WDR64: variants seen among roughly 807,000 people sequenced by gnomAD.
WDR64 encodes WD repeat-containing protein 64.
In WDR64, 112 loss-of-function variants were observed where a neutral mutation model predicts 139.3. That is an observed-to-expected ratio of 0.80 (90% CI 0.69 to 0.94). The LOEUF is 0.94. Ranked by LOEUF, WDR64 falls within the 40% of genes least tolerant of loss-of-function variation. The pLI, the probability that WDR64 is intolerant of heterozygous loss-of-function variation, is 0.00. For missense variants in WDR64, 1,206 were observed against 1,293.1 expected (o/e 0.93, Z 1.03); for synonymous variants, 444 against 437.7 (o/e 1.01, Z -0.18).
rs564606061 is a variant in WDR64, at chr1:241,789,332, A to G, written c.2892-1259A>G. ...GACATAGTATTTCTTGTCTTTTGAA[A>G]ATGTTAAACAGAAATATCATTCAAC... is the stretch of plus-strand genomic sequence containing the variant. On this transcript the variant is annotated intron_variant, in intron 24 of 27. Transcript: ENST00000437684. Among the ~76,000 whole-genome samples, 10 of 152,322 alleles carry G rather than the reference A, an allele frequency of 6.6e-5. No individual in the cohort carries two copies. The South Asian group carries it at 2.1e-3, about 32-fold the overall frequency.
intron 7 of WDR64, among the ~76,000 whole-genome samples, chr1:241,684,861 G>A (rs528518516): frequency 9.2e-5 from 14 of 152,050 alleles, no homozygotes; most frequent in Non-Finnish European, 1.9e-4. Flanking sequence ...GGGTTCAAGC[G>A]ATTCTCCTGC....
At chr1:241,705,788 T>C (rs1667930557) in intron 8 of WDR64, among the ~76,000 whole-genome samples, 1 of 151,792 alleles carries the variant, frequency 6.6e-6, no homozygotes, top group South Asian at 2.1e-4. Flanking sequence ...GGGGTCTTGT[T>C]ATGTTGCCCA....
chr1:241,793,658 G>A (rs1024735553), intron 25 of WDR64, among the ~76,000 whole-genome samples: 1 of 152,206 alleles, frequency 6.6e-6, no homozygotes, highest in Non-Finnish European at 1.5e-5. Context: ...GCTAAGGAGG[G>A]AAGCCACAGG....
intron 8 of WDR64, among the ~76,000 whole-genome samples, chr1:241,691,830 A>G (rs895187277): frequency 2.0e-5 from 3 of 152,144 alleles, no homozygotes; most frequent in South Asian, 2.1e-4. Flanking sequence ...CCTGGCCAAC[A>G]TGGTGAAACC....
intron 1 of WDR64, among the ~76,000 whole-genome samples, chr1:241,660,142 C>G (rs538447848): frequency 9.9e-5 from 15 of 152,148 alleles, no homozygotes; most frequent in Non-Finnish European, 2.2e-4. Context: ...CCAGTCCTCT[C>G]CTCCCAGCAC....
In WDR64 at chr1:241,728,721, T is replaced by G. The variant is rs577273754; in HGVS notation, c.1194+5285T>G. On this transcript the variant is annotated intron_variant, in intron 10 of 27. Coordinates refer to ENST00000437684, the MANE Select transcript of WDR64 (RefSeq NM_001367482.1). ...ATGTTGAAAAATGCAGAGACAAATA[T>G]AATCTTCACTTACTTTCATTTCATC... 2.0e-5 allele frequency among the ~76,000 whole-genome samples: 3 copies of G among 152,288 alleles called. 1 individual carries two copies. The highest frequency in any genetic ancestry group is 7.2e-5 in the African/African-American group (3 of 41,564).
chr1:241,786,286 A>G (rs1659034775), intron 23 of WDR64, among the ~76,000 whole-genome samples: 1 of 152,144 alleles, frequency 6.6e-6, no homozygotes, highest in Non-Finnish European at 1.5e-5. Context: ...ATCTACTCTT[A>G]GTTTCTTTAG....
intron 17 of WDR64, among the ~76,000 whole-genome samples, chr1:241,770,035 A>C (rs1658368318): frequency 6.6e-6 from 1 of 152,240 alleles, no homozygotes; most frequent in African/African-American, 2.4e-5. Flanking sequence ...ATAATGCCAC[A>C]CATAGCTTTG....
At chr1:241,735,168 A>G (rs1408020451) in intron 10 of WDR64, among the ~76,000 whole-genome samples, 1 of 152,154 alleles carries the variant, frequency 6.6e-6, no homozygotes, top group Non-Finnish European at 1.5e-5. Flanking sequence ...CAATGAATAT[A>G]CCCCACTGCA....
chr1:241,656,698 CTAAA>C lies in WDR64; in HGVS notation c.146-3828_146-3825del, dbSNP rs1175780496. On this transcript the variant is annotated intron_variant, in intron 1 of 27. Transcript: ENST00000437684. This position sits in a 1 kb window ranked among gnomAD's most constrained non-coding sequence, Gnocchi z 4.3. ...AACCTTGGCACTACTGATGTTTTGG[CTAAA>C]TAATTATTTGTATATGTGTGCGTGT... Among the ~76,000 whole-genome samples the C allele has an allele frequency of 2.6e-5, 4 of 152,018 alleles. No individual in the cohort carries two copies. Among genetic ancestry groups the C allele is most frequent in the African/African-American group, 9.7e-5 (4 of 41,390 alleles).
intron 25 of WDR64, among the ~76,000 whole-genome samples, chr1:241,792,643 A>G (rs2148330252): frequency 6.6e-6 from 1 of 152,322 alleles, no homozygotes; most frequent in East Asian, 1.9e-4. Context: ...CGATTCCACA[A>G]AATGGTTTAA....
intron 2 of WDR64, among the ~76,000 whole-genome samples, chr1:241,664,582 GAT>G (rs1665958314): frequency 1.2e-5 from 1 of 80,744 alleles, no homozygotes; most frequent in Admixed American, 1.0e-4. Flanking sequence ...AAGTAAATCA[GAT>G]TTTTTTTTGT....
intron 14 of WDR64, among the ~76,000 whole-genome samples, chr1:241,752,563 T>A (rs1352116124): frequency 1.3e-5 from 2 of 152,198 alleles, no homozygotes. Context: ...TAAAAACCAC[T>A]GTTGGGCTGG....
chr1:241,670,261 G>A (rs996459733), intron 2 of WDR64, among the ~76,000 whole-genome samples: 1 of 151,036 alleles, frequency 6.6e-6, no homozygotes, highest in African/African-American at 2.4e-5. Context: ...TTATTCTCAC[G>A]CAATGCCTAC....
At chr1:241,673,411 G>A (rs1666321095) in intron 3 of WDR64, among the ~76,000 whole-genome samples, 2 of 152,138 alleles carry the variant, frequency 1.3e-5, no homozygotes, top group African/African-American at 2.4e-5. Flanking sequence ...ATAGGGCAGT[G>A]TTTCTCCATC....
In WDR64 at chr1:241,701,171, G is replaced by A. The variant is rs115400954; in HGVS notation, c.975-10631G>A. Among the ~76,000 whole-genome samples the A allele has an allele frequency of 3.4e-3, 524 of 152,170 alleles. 2 individuals carry two copies. Among genetic ancestry groups the A allele is most frequent in the African/African-American group, 0.012 (504 of 41,522 alleles). On this transcript the variant is annotated intron_variant, in intron 8 of 27. Coordinates refer to ENST00000437684, the MANE Select transcript of WDR64 (RefSeq NM_001367482.1). The stretch of plus-strand genomic sequence containing the variant: ...TTTAATCAAATATAATACCTTTTGC[G>A]GGGAGTAACCTCAAGAGCAAAGTTG...
chr1:241,713,321 G>GATGA (rs538980494), intron 9 of WDR64, among the ~76,000 whole-genome samples: 27,774 of 106,216 alleles, frequency 0.26, 4,380 homozygotes, highest in African/African-American at 0.43. Flanking sequence ...AAAAAGAAAG[G>GATGA]ACGAAGGAAG....
At position 241,738,501 on chromosome 1, in the gene WDR64, C is replaced by CA. The variant is rs1558499914; in HGVS notation, c.1321+14dup. 6.3e-6 allele frequency: 10 copies of CA among 1,594,818 alleles called. No homozygotes were observed. The South Asian group carries it at 1.1e-4, about 18-fold the overall frequency. On this transcript the variant is annotated intron_variant, in intron 11 of 27. Coordinates refer to ENST00000437684, the MANE Select transcript of WDR64 (RefSeq NM_001367482.1). ...CATGCTTATTACGGGTAAGTGTACC[C>CA]AATTAATGTCAAACGAAACTCATGT...
At position 241,683,747 on chromosome 1, in the gene WDR64, C is replaced by T. The variant is rs770427118; in HGVS notation, c.839+46C>T. The T allele has an allele frequency of 2.3e-4, 310 of 1,371,980 alleles. 2 individuals are homozygous for T. Among genetic ancestry groups the T allele is most frequent in the Non-Finnish European group, 1.4e-5 (14 of 1,028,474 alleles). The allele number at this position is 1,371,980 out of a possible 1,614,324, so 85.0% of individuals were successfully genotyped here. A position where few individuals can be genotyped will look rare whatever the true frequency, so the allele number is the denominator to read the frequency against. ...ATTTAATTCTTTTAATAATTATAGT[C>T]TTTTGCAAGTAAGCTTTATGGTACA... On this transcript the variant is annotated intron_variant, in intron 7 of 27. Coordinates refer to ENST00000437684, the MANE Select transcript of WDR64 (RefSeq NM_001367482.1).
Sources: allele counts gnomAD v4.1 joint callset (sites outside exome capture counted in the v4.1 genomes callset), GRCh38; gene constraint gnomAD v4.1.1; non-coding constraint Gnocchi (gnomAD v3.1); transcripts MANE v1.5; gene names NCBI Gene and HGNC (gene_info 2026-07-23, HGNC 2026-07-21).